INPP4B: variants seen among roughly 807,000 people sequenced by gnomAD.
The protein encoded by INPP4B is inositol polyphosphate-4-phosphatase type II B, also known as inositol polyphosphate 4-phosphatase type II.
In INPP4B, 55 loss-of-function variants were observed where a neutral mutation model predicts 122.5. That is an observed-to-expected ratio of 0.45 (90% CI 0.36 to 0.56). The LOEUF (loss-of-function observed/expected upper bound fraction) is 0.56. Among genes scored for constraint, INPP4B ranks in the 20% least tolerant of loss-of-function variants. INPP4B has a pLI of 0.00. For synonymous variants in INPP4B, 403 were observed against 388.7 expected (o/e 1.04, Z -0.43); for missense variants, 1,000 against 1,097.7 (o/e 0.91, Z 1.26).
At chr4:142,752,043 G>A (rs1769808160) in intron 1 of INPP4B, among the ~76,000 whole-genome samples, 1 of 151,498 alleles carries the variant, frequency 6.6e-6, no homozygotes, top group Admixed American at 6.6e-5. Context: ...TTTATCTAGG[G>A]GCCTGCCTTG....
chr4:142,383,624 A>T (rs1180494585), intron 7 of INPP4B, among the ~76,000 whole-genome samples: 1 of 152,182 alleles, frequency 6.6e-6, no homozygotes, highest in African/African-American at 2.4e-5. Context: ...CATGATGCTT[A>T]AAAATGAAAC....
chr4:142,027,071 A>ATGAG lies in INPP4B; in HGVS notation c.*1707_*1710dup, dbSNP rs1423590598. On this transcript the variant is annotated 3_prime_UTR_variant, in exon 26 of 26. Coordinates refer to ENST00000262992, the MANE Select transcript of INPP4B (RefSeq NM_001101669.3). ...TTGTATTTAATCACTAAAATAAAGAATGAGTTAAGAGAACATCAAGGTAAT... is the reference window on the plus strand; with the variant it reads ...TTGTATTTAATCACTAAAATAAAGAATGAGTGAGTTAAGAGAACATCAAGGTAAT... 6 of 152,228 alleles carry ATGAG rather than the reference A, an allele frequency of 3.9e-5. No individual in the cohort carries two copies. Among genetic ancestry groups the ATGAG allele is most frequent in the Admixed American group, 2.0e-4 (3 of 15,276 alleles). The allele number at this position is 152,228 out of a possible 1,614,324, so 9.4% of individuals were successfully genotyped here. A position where few individuals can be genotyped will look rare whatever the true frequency, so the allele number is the denominator to read the frequency against.
intron 7 of INPP4B, among the ~76,000 whole-genome samples, chr4:142,331,925 AG>A (rs573478024): frequency 3.6e-4 from 53 of 148,618 alleles, no homozygotes; most frequent in African/African-American, 1.3e-3. Flanking sequence ...TGGGGGGTGG[AG>A]GGGGAAAACC....
At chr4:142,556,756 A>G (rs887671316) in intron 2 of INPP4B, among the ~76,000 whole-genome samples, 2 of 152,224 alleles carry the variant, frequency 1.3e-5, no homozygotes, top group African/African-American at 4.8e-5. Flanking sequence ...TTCCAATTTG[A>G]GTCAGAAAGA....
intron 14 of INPP4B, among the ~76,000 whole-genome samples, chr4:142,193,706 A>C (rs1561444446): frequency 1.3e-5 from 2 of 152,186 alleles, no homozygotes; most frequent in African/African-American, 2.4e-5. Flanking sequence ...TGTATACTAA[A>C]TTTTACACAA....
chr4:142,819,585 T>G (rs1036417414), intron 1 of INPP4B, among the ~76,000 whole-genome samples: 1 of 152,184 alleles, frequency 6.6e-6, no homozygotes, highest in Non-Finnish European at 1.5e-5. Flanking sequence ...GTATAATTTT[T>G]GTGCTGCAAA....
At chr4:142,120,435 A>G (rs1796091143) in intron 21 of INPP4B, among the ~76,000 whole-genome samples, 2 of 152,112 alleles carry the variant, frequency 1.3e-5, no homozygotes, top group African/African-American at 4.8e-5. Flanking sequence ...TTACTAAACA[A>G]TATTGAGTCT....
chr4:142,600,110 G>A (rs1353807693), intron 2 of INPP4B, among the ~76,000 whole-genome samples: 1 of 152,080 alleles, frequency 6.6e-6, no homozygotes, highest in Non-Finnish European at 1.5e-5. Context: ...CAACATAATA[G>A]AAGATAATTT....
At chr4:142,085,124 C>T (rs1287747662) in intron 24 of INPP4B, among the ~76,000 whole-genome samples, 1 of 152,176 alleles carries the variant, frequency 6.6e-6, no homozygotes. Context: ...CCCTGGGGCT[C>T]CAAGAAGGCA....
chr4:142,162,006 C>T (rs76384501), intron 16 of INPP4B, among the ~76,000 whole-genome samples: 1 of 151,748 alleles, frequency 6.6e-6, no homozygotes, highest in African/African-American at 2.4e-5. Flanking sequence ...CCTCTTCTTC[C>T]CTAACCTCAA....
chr4:142,432,933 TG>T (rs754071137), intron 3 of INPP4B, among the ~76,000 whole-genome samples: 14 of 152,150 alleles, frequency 9.2e-5, no homozygotes, highest in Non-Finnish European at 1.5e-4. Flanking sequence ...TTGTATAATT[TG>T]AGGATGGGAG....
chr4:142,398,402 ATATATATATATATATATAT>A (rs1209317552), intron 7 of INPP4B, among the ~76,000 whole-genome samples: 4 of 6,390 alleles, frequency 6.3e-4, no homozygotes, highest in South Asian at 0.011. Context: ...AAAAAAAAAA[ATATATATATATATATATAT>A]ATATATATAT....
intron 2 of INPP4B, among the ~76,000 whole-genome samples, chr4:142,513,141 T>A (rs915144453): frequency 6.6e-6 from 1 of 152,324 alleles, no homozygotes; most frequent in Admixed American, 6.5e-5. Context: ...CAAATATGTA[T>A]GCACTGCCTT....
chr4:142,746,471 C>G (rs1768770760), intron 1 of INPP4B, among the ~76,000 whole-genome samples: 1 of 152,088 alleles, frequency 6.6e-6, no homozygotes, highest in African/African-American at 2.4e-5. Context: ...AGATTCAATA[C>G]TATTCCCATC....
In INPP4B at chr4:142,739,205, G is replaced by T. The variant is rs934710984; in HGVS notation, c.-253-13304C>A. Reference sequence around the variant, plus strand: ...TAAATTAAGGCAAAATTCTATGTTGGTAAGTGCTTATCACTGTTTTAACGA... The same window carrying T: ...TAAATTAAGGCAAAATTCTATGTTGTTAAGTGCTTATCACTGTTTTAACGA... On this transcript the variant is annotated intron_variant, in intron 1 of 25. Transcript: ENST00000262992. Among the ~76,000 whole-genome samples the T allele has an allele frequency of 4.6e-5, 7 of 152,044 alleles. No homozygotes were observed. In the East Asian group the frequency reaches 1.3e-3, roughly 29 times the overall value.
At chr4:142,245,427 T>C (rs1382271236) in intron 11 of INPP4B, among the ~76,000 whole-genome samples, 1 of 152,220 alleles carries the variant, frequency 6.6e-6, no homozygotes, top group South Asian at 2.1e-4. Context: ...TTCAGTTTTC[T>C]ACATACGGCT....
intron 2 of INPP4B, among the ~76,000 whole-genome samples, chr4:142,504,334 T>C (rs867070857): frequency 6.6e-6 from 1 of 151,930 alleles, no homozygotes; most frequent in African/African-American, 2.4e-5. Context: ...CTTCCAAAAA[T>C]TAAAAAAGCT....
At position 142,097,225 on chromosome 4, in the gene INPP4B, T is replaced by TTTTATTTTATGTTA. The variant is rs70949153; in HGVS notation, c.2374+10867_2374+10868insTAACATAAAATAAA. ...TCCATTTTTTGTTTATTTTATGTTA[T>TTTTATTTTATGTTA]TTTTATTTTATTTTATTTTATTTTA... On this transcript the variant is annotated intron_variant, in intron 23 of 25. Transcript: ENST00000262992. 7.2e-3 allele frequency among the ~76,000 whole-genome samples: 982 copies of TTTTATTTTATGTTA among 135,526 alleles called. 11 individuals are homozygous for TTTTATTTTATGTTA. Among genetic ancestry groups the TTTTATTTTATGTTA allele is most frequent in the Non-Finnish European group, 0.011 (703 of 64,348 alleles). 88.9% of individuals were successfully genotyped at this position (135,526 alleles called of 152,430 possible). A position where few individuals can be genotyped will look rare whatever the true frequency, so the allele number is the denominator to read the frequency against.
chr4:142,232,305 G>A (rs989637073), intron 12 of INPP4B, among the ~76,000 whole-genome samples: 6 of 151,996 alleles, frequency 3.9e-5, no homozygotes, highest in South Asian at 2.1e-4. Flanking sequence ...GCAATCCTTC[G>A]TGAAGGTCTA....
Sources: allele counts gnomAD v4.1 joint callset (sites outside exome capture counted in the v4.1 genomes callset), GRCh38; gene constraint gnomAD v4.1.1; transcripts MANE v1.5; gene names NCBI Gene and HGNC (gene_info 2026-07-23, HGNC 2026-07-21).